Variants in AGMO observed in about 807,000 individuals in gnomAD.
AGMO encodes alkylglycerol monooxygenase, also known as glyceryl-ether monooxygenase.
AGMO carries 75 observed loss-of-function variants against 60.2 expected under a neutral mutation model. The ratio of observed to expected loss-of-function variants is 1.25; its 90% confidence interval spans 1.03 to 1.51. The LOEUF is 1.51. Among genes scored for constraint, AGMO ranks in the 40% most tolerant of loss-of-function variants. AGMO has a pLI of 0.00. For synonymous variants in AGMO, 261 were observed against 177.1 expected (o/e 1.47, Z -3.76); for missense variants, 763 against 525.5 (o/e 1.45, Z -4.42).
At position 15,426,524 on chromosome 7, in the gene AGMO, G is replaced by A. The variant is rs143716364; in HGVS notation, c.513+4481C>T. On this transcript the variant is annotated intron_variant, in intron 4 of 12. Transcript: ENST00000342526. ...ACCACTTTGGGGGGCTGAGGCAGGC[G>A]GATCACTTGAGGCCAGCAGTTGAAG... 3.4e-3 allele frequency among the ~76,000 whole-genome samples: 520 copies of A among 152,166 alleles called. 1 individual carries two copies. Among genetic ancestry groups the A allele is most frequent in the African/African-American group, 0.012 (491 of 41,528 alleles).
At chr7:15,497,794 AT>A (rs1783271993) in intron 3 of AGMO, among the ~76,000 whole-genome samples, 1 of 152,060 alleles carries the variant, frequency 6.6e-6, no homozygotes, top group Non-Finnish European at 1.5e-5. Context: ...ATAAAAAAGC[AT>A]TTTTGGGTCC....
Position 15,354,334 on chromosome 7 carries a change from GTA to G in AGMO, c.1263+11178_1263+11179del, listed in dbSNP as rs768035462. Among the ~76,000 whole-genome samples the G allele has an allele frequency of 6.9e-3, 496 of 72,038 alleles. 49 individuals are homozygous for G. The highest frequency in any genetic ancestry group is 0.016 in the East Asian group (24 of 1,534). 47.3% of individuals were successfully genotyped at this position (72,038 alleles called of 152,430 possible). On this transcript the variant is annotated intron_variant, in intron 12 of 12. Transcript: ENST00000342526. The stretch of plus-strand genomic sequence containing the variant: ...TACACGCGTGTATATACGTACGCGT[GTA>G]TATACACGCGTGTATATAGACGTGT...
At chr7:15,291,008 T>C (rs1322903689) in intron 12 of AGMO, among the ~76,000 whole-genome samples, 1 of 152,162 alleles carries the variant, frequency 6.6e-6, no homozygotes, top group Admixed American at 6.5e-5. Flanking sequence ...AAAGTGCATT[T>C]TATTCATTCT....
chr7:15,364,360 A>G (rs917214541), intron 12 of AGMO, among the ~76,000 whole-genome samples: 18 of 152,094 alleles, frequency 1.2e-4, no homozygotes, highest in African/African-American at 4.3e-4. Flanking sequence ...CTGTTTTTAT[A>G]CTTATGTGCA....
chr7:15,408,611 C>T (rs901679127), intron 5 of AGMO, among the ~76,000 whole-genome samples: 1 of 151,720 alleles, frequency 6.6e-6, no homozygotes, highest in Admixed American at 6.6e-5. Context: ...TCCAAGCAAG[C>T]TGAGACATAT....
chr7:15,343,276 A>G (rs1781923579), intron 12 of AGMO, among the ~76,000 whole-genome samples: 1 of 152,128 alleles, frequency 6.6e-6, no homozygotes, highest in South Asian at 2.1e-4. Flanking sequence ...CTTTCTGCCA[A>G]TGAGTTTACC....
In AGMO at chr7:15,425,852, G is replaced by C. The variant is rs563186306; in HGVS notation, c.513+5153C>G. Among the ~76,000 whole-genome samples, 12 of 152,192 alleles carry C rather than the reference G, an allele frequency of 7.9e-5. No individual in the cohort carries two copies. In the East Asian group the frequency reaches 1.5e-3, roughly 20 times the overall value. On this transcript the variant is annotated intron_variant, in intron 4 of 12. Transcript: ENST00000342526. The stretch of plus-strand genomic sequence containing the variant: ...TAAAATTAATTTCAATACCAACGTA[G>C]AGAACATAGCAATTTTAAAGGTGGA...
intron 12 of AGMO, among the ~76,000 whole-genome samples, chr7:15,320,061 A>C (rs1420979060): frequency 6.6e-6 from 1 of 151,838 alleles, no homozygotes; most frequent in African/African-American, 2.4e-5. Flanking sequence ...GGAATTGAAC[A>C]ATGAGAACAC....
intron 3 of AGMO, among the ~76,000 whole-genome samples, chr7:15,436,164 T>C (rs1781397996): frequency 6.6e-6 from 1 of 152,198 alleles, no homozygotes; most frequent in Admixed American, 6.5e-5. Context: ...TTATGCAACA[T>C]TTAGCATATT....
chr7:15,266,013 G>A (rs1009872532), intron 12 of AGMO, among the ~76,000 whole-genome samples: 5 of 152,076 alleles, frequency 3.3e-5, no homozygotes, highest in Admixed American at 3.3e-4. Context: ...ATTATGCTAA[G>A]TGAAATTAGC....
chr7:15,430,132 G>C (rs1243632872), intron 4 of AGMO, among the ~76,000 whole-genome samples: 1 of 151,910 alleles, frequency 6.6e-6, no homozygotes, highest in African/African-American at 2.4e-5. Flanking sequence ...TATATAAGGA[G>C]ATTTTAGAAG....
Position 15,366,140 on chromosome 7 carries a change from CT to C in AGMO, c.1156del (p.Arg386AspfsTer13), listed in dbSNP as rs1390631759. The C allele has an allele frequency of 2.5e-6, 4 of 1,602,938 alleles. No individual in the cohort carries two copies. Among genetic ancestry groups the C allele is most frequent in the Non-Finnish European group, 2.6e-6 (3 of 1,173,608 alleles). On this transcript the variant is annotated frameshift_variant and splice_region_variant, in exon 11 of 13. Coordinates refer to ENST00000342526, the MANE Select transcript of AGMO (RefSeq NM_001004320.2). LOFTEE classifies it high-confidence loss of function. ...LTSIGFLLDQ[R>X]PKAAIMETLR... ...ACAATGCAAGAATTTCACTTCTTGC[CT>C]TTGATCCAGAAGAAATCCAATGGAA...
the AGMO span, among the ~76,000 whole-genome samples, chr7:15,122,950 G>A: frequency 6.6e-6 from 1 of 152,048 alleles, no homozygotes; most frequent in African/African-American, 2.4e-5. Flanking sequence ...AAGTCCTCAT[G>A]GTTGCCCACA....
intron 10 of AGMO, among the ~76,000 whole-genome samples, chr7:15,369,982 G>C (rs369220782): frequency 6.6e-6 from 1 of 152,040 alleles, no homozygotes; most frequent in Admixed American, 6.6e-5. Flanking sequence ...CTGATGCTGA[G>C]GTTTGAGATA....
At chr7:15,128,532 G>C in the AGMO span, among the ~76,000 whole-genome samples, 1 of 151,902 alleles carries the variant, frequency 6.6e-6, no homozygotes, top group Non-Finnish European at 1.5e-5. Context: ...ATAAAGCTTA[G>C]CTCTCTAATT....
intron 3 of AGMO, among the ~76,000 whole-genome samples, chr7:15,500,529 C>G (rs1011226503): frequency 6.6e-6 from 1 of 151,678 alleles, no homozygotes; most frequent in Non-Finnish European, 1.5e-5. Flanking sequence ...TTTTTGATAT[C>G]AAGCTTATAG....
At chr7:15,516,694 T>C (rs745492022) in intron 3 of AGMO, among the ~76,000 whole-genome samples, 2 of 152,176 alleles carry the variant, frequency 1.3e-5, no homozygotes, top group Non-Finnish European at 2.9e-5. Flanking sequence ...TCCTTCTGTA[T>C]ATCCAAAAAC....
rs59013226 is a variant in AGMO, at chr7:15,268,701, T to A, written c.1264-67342A>T. Among the ~76,000 whole-genome samples the A allele has an allele frequency of 3.2e-3, 490 of 151,952 alleles. 4 individuals carry two copies. The highest frequency in any genetic ancestry group is 0.011 in the African/African-American group (466 of 41,490). On this transcript the variant is annotated intron_variant, in intron 12 of 12. Transcript: ENST00000342526. ...TAGTCAAATAAAGTTGTTCTTTTTTTAAAAAAAGATGGGTAATATTAATAT... is the reference window on the plus strand; with the variant it reads ...TAGTCAAATAAAGTTGTTCTTTTTTAAAAAAAAGATGGGTAATATTAATAT...
chr7:15,326,788 A>T (rs551558010), intron 12 of AGMO, among the ~76,000 whole-genome samples: 6 of 152,274 alleles, frequency 3.9e-5, no homozygotes, highest in African/African-American at 1.4e-4. Flanking sequence ...GGCCTCTGGG[A>T]AGTCTATGTA....
Sources: allele counts gnomAD v4.1 joint callset (sites outside exome capture counted in the v4.1 genomes callset), GRCh38; gene constraint gnomAD v4.1.1; transcripts MANE v1.5; gene names NCBI Gene and HGNC (gene_info 2026-07-23, HGNC 2026-07-21).